The following TMEM39B variants were observed in gnomAD, a reference collection of about 807,000 sequenced individuals.
TMEM39B encodes transmembrane protein 39B.
TMEM39B carries 23 observed loss-of-function variants against 52.2 expected under a neutral mutation model. That is an observed-to-expected ratio of 0.44 (90% CI 0.32 to 0.62). The LOEUF is 0.62. TMEM39B is among the 20% of genes least tolerant of loss of function. The probability of loss-of-function intolerance (pLI) is 0.06; values close to 1 mark genes in which losing one functional copy is unlikely to be tolerated. For missense variants in TMEM39B, 547 were observed against 642.0 expected, an observed-to-expected ratio of 0.85 and a Z score of 1.60; for synonymous variants, 285 against 264.0, an observed-to-expected ratio of 1.08 and a Z score of -0.77.
At chr1:32,082,277 A>G (rs980049611) in intron 5 of TMEM39B, among the ~76,000 whole-genome samples, 1 of 151,998 alleles carries the variant, frequency 6.6e-6, no homozygotes, top group Non-Finnish European at 1.5e-5. Context: ...ATGTAACCAC[A>G]TTTAAGCCTT....
At chr1:32,075,491 G>A (rs1029626985) in intron 2 of TMEM39B, 112 bp from the exon 3 acceptor site, 34 of 1,126,860 alleles carry the variant, frequency 3.0e-5, no homozygotes, top group African/African-American at 2.7e-4. Context: ...GGAAGACCCC[G>A]TCCTTGCTAT....
intron 1 of TMEM39B, among the ~76,000 whole-genome samples, chr1:32,074,312 C>G (rs1639762048): frequency 6.6e-6 from 1 of 152,088 alleles, no homozygotes; most frequent in African/African-American, 2.4e-5. Flanking sequence ...CCTCCAGAAA[C>G]TTATGTCTGA....
chr1:32,100,082 G>C (rs796324580), intron 7 of TMEM39B, among the ~76,000 whole-genome samples: 2 of 152,008 alleles, frequency 1.3e-5, no homozygotes, highest in Non-Finnish European at 2.9e-5. Context: ...TTAAGCAGAG[G>C]GTGGTCAGGC....
chr1:32,099,697 A>G (rs950752258), intron 7 of TMEM39B, among the ~76,000 whole-genome samples: 3 of 152,160 alleles, frequency 2.0e-5, no homozygotes, highest in Non-Finnish European at 4.4e-5. Flanking sequence ...AAGACCTCAG[A>G]GGCCATGTCA....
chr1:32,073,249 G>T, intron 1 of TMEM39B, 198 bp downstream of exon 1: 1 of 653,162 alleles, frequency 1.5e-6, no homozygotes, highest in East Asian at 3.5e-5. Flanking sequence ...ATTGGACGGT[G>T]GGCGGGGCTT....
intron 5 of TMEM39B, among the ~76,000 whole-genome samples, chr1:32,077,766 A>G (rs1043043769): frequency 2.0e-5 from 3 of 151,986 alleles, no homozygotes; most frequent in Admixed American, 6.6e-5. Context: ...GTGGGTGTCT[A>G]TGCATGAAGC....
chr1:32,083,956 G>A (rs150231847), intron 5 of TMEM39B, among the ~76,000 whole-genome samples: 75 of 150,478 alleles, frequency 5.0e-4, no homozygotes, highest in African/African-American at 1.7e-3. Context: ...CTGCACTCCA[G>A]CGTGGGCAAT....
Position 32,077,444 on chromosome 1 carries a change from T to C in TMEM39B, c.590+126T>C. 10 of 1,206,784 alleles carry C rather than the reference T, an allele frequency of 8.3e-6. 1 individual carries two copies. Among genetic ancestry groups the C allele is most frequent in the Non-Finnish European group, 9.4e-6 (8 of 855,430 alleles). The allele number at this position is 1,206,784 out of a possible 1,614,324, so 74.8% of individuals were successfully genotyped here. The stretch of plus-strand genomic sequence containing the variant: ...AGGCAGGCAGCAACATCCTCTCACA[T>C]TGTCAGATGACACTCACTCACTGAG... On this transcript the variant is annotated intron_variant, in intron 5 of 8. Transcript: ENST00000336294.
At chr1:32,100,866 A>G (rs1204690677) in intron 8 of TMEM39B, among the ~76,000 whole-genome samples, 1 of 152,144 alleles carries the variant, frequency 6.6e-6, no homozygotes, top group Non-Finnish European at 1.5e-5. Flanking sequence ...CCTCGTCTCC[A>G]CTAAAAATAC....
chr1:32,093,806 T>G (rs531860691), intron 6 of TMEM39B, among the ~76,000 whole-genome samples: 53 of 151,380 alleles, frequency 3.5e-4, no homozygotes, highest in Admixed American at 7.9e-4. Flanking sequence ...GGTTGCTTTT[T>G]TTTTGTTTTG....
intron 7 of TMEM39B, 151 bp downstream of exon 7, chr1:32,095,122 G>T (rs1164388754): frequency 1.1e-6 from 1 of 897,772 alleles, no homozygotes; most frequent in East Asian, 2.7e-5. Context: ...GGTGGGGTAT[G>T]GTGGGGCCTG....
intron 5 of TMEM39B, among the ~76,000 whole-genome samples, chr1:32,079,475 C>T (rs1241371196): frequency 2.0e-5 from 3 of 151,946 alleles, no homozygotes; most frequent in Non-Finnish European, 4.4e-5. Context: ...TGAGCCACCG[C>T]GCCTGGCCAA....
intron 3 of TMEM39B, chr1:32,076,403 G>T: frequency 2.7e-6 from 1 of 369,520 alleles, no homozygotes; most frequent in South Asian, 2.1e-5. Flanking sequence ...GAGCCACCGC[G>T]CCCGGCCAGG....
intron 5 of TMEM39B, among the ~76,000 whole-genome samples, chr1:32,082,213 C>T (rs991081085): frequency 4.6e-5 from 7 of 151,998 alleles, no homozygotes; most frequent in African/African-American, 1.7e-4. Flanking sequence ...TTTTCACTTC[C>T]TGGCAGCTGT....
chr1:32,088,866 T>A (rs1019623047), intron 5 of TMEM39B, among the ~76,000 whole-genome samples: 1 of 152,112 alleles, frequency 6.6e-6, no homozygotes, highest in African/African-American at 2.4e-5. Flanking sequence ...GAATGCCATT[T>A]TAGTCTTTTT....
chr1:32,083,276 T>A (rs1015607731), intron 5 of TMEM39B, among the ~76,000 whole-genome samples: 1 of 148,144 alleles, frequency 6.8e-6, no homozygotes, highest in Non-Finnish European at 1.5e-5. Context: ...AGAGATGGGG[T>A]TTCTCCATGT....
chr1:32,100,962 C>T (rs903853269), intron 8 of TMEM39B, among the ~76,000 whole-genome samples: 1 of 152,062 alleles, frequency 6.6e-6, no homozygotes, highest in Non-Finnish European at 1.5e-5. Context: ...ACTCAGGAGA[C>T]GGAGGTTGCA....
intron 6 of TMEM39B, among the ~76,000 whole-genome samples, chr1:32,092,602 T>G (rs1047001708): frequency 6.6e-6 from 1 of 152,242 alleles, no homozygotes; most frequent in African/African-American, 2.4e-5. Context: ...GCAGTTCTCC[T>G]GCATCAGCCT....
rs35622976 is a variant in TMEM39B at position 32,088,564 on chromosome 1, ATTT to A, written c.591-3095_591-3093del. On this transcript the variant is annotated intron_variant, in intron 5 of 8. Transcript: ENST00000336294. ...TTGTGCACTGATGACCCTCACTCCCATTTTTTTTTTTTTTTTTTCTGATACAGA... is the reference window on the plus strand; with the variant it reads ...TTGTGCACTGATGACCCTCACTCCCATTTTTTTTTTTTTTTCTGATACAGA... 1.3e-4 allele frequency among the ~76,000 whole-genome samples: 16 copies of A among 123,834 alleles called. No individual in the cohort carries two copies. In the East Asian group the frequency reaches 1.8e-3, roughly 14 times the overall value. The allele number at this position is 123,834 out of a possible 152,430, so 81.2% of individuals were successfully genotyped here. A position where few individuals can be genotyped will look rare whatever the true frequency, so the allele number is the denominator to read the frequency against.
Sources: allele counts gnomAD v4.1 joint callset (sites outside exome capture counted in the v4.1 genomes callset), GRCh38; gene constraint gnomAD v4.1.1; transcripts MANE v1.5; gene names NCBI Gene and HGNC (gene_info 2026-07-23, HGNC 2026-07-21).